DMD: variants seen among roughly 807,000 people sequenced by gnomAD.
DMD encodes the protein dystrophin.
In DMD, 63 loss-of-function variants were observed where a neutral mutation model predicts 330.1. The observed-to-expected ratio is 0.19, with a 90% CI of 0.16 to 0.24. The LOEUF (loss-of-function observed/expected upper bound fraction) is 0.24, where lower values mean the gene tolerates loss of function less well. DMD is among the 10% of genes least tolerant of loss of function. The probability of loss-of-function intolerance (pLI) is 1.00; values close to 1 mark genes in which losing one functional copy is unlikely to be tolerated. For missense variants in DMD, 3,344 were observed against 2,684.1 expected, an observed-to-expected ratio of 1.25 and a Z score of -5.43; for synonymous variants, 1,223 against 959.8, an observed-to-expected ratio of 1.27 and a Z score of -5.07.
intron 55 of DMD, among the ~76,000 whole-genome samples, chrX:31,519,091 G>T (rs1363162782): frequency 8.9e-6 from 1 of 111,935 alleles, no homozygotes; most frequent in Non-Finnish European, 1.9e-5. Context: ...AGTCAACTCA[G>T]AACTAATATC....
chrX:31,746,104 T>C (rs971636070), intron 51 of DMD, among the ~76,000 whole-genome samples: 1 of 112,406 alleles, frequency 8.9e-6, no homozygotes, highest in Non-Finnish European at 1.9e-5. Context: ...TAAAAATGCA[T>C]TCAACCTTTT....
chrX:31,554,613 T>A (rs1000545067), intron 55 of DMD, among the ~76,000 whole-genome samples: 16 of 112,034 alleles, frequency 1.4e-4, no homozygotes, highest in Non-Finnish European at 2.6e-4. Context: ...TATTATTTTT[T>A]ATTTTTTCCC....
intron 44 of DMD, among the ~76,000 whole-genome samples, chrX:32,186,963 A>T (rs997441397): frequency 9.0e-6 from 1 of 110,922 alleles, no homozygotes; most frequent in African/African-American, 3.3e-5. Flanking sequence ...TACATTAATG[A>T]CTATCTAAAA....
intron 7 of DMD, among the ~76,000 whole-genome samples, chrX:32,750,330 GA>G (rs1187088406): frequency 9.0e-6 from 1 of 111,612 alleles, no homozygotes; most frequent in Non-Finnish European, 1.9e-5. Context: ...ACAAAAGGGA[GA>G]AAAACTTCCC....
At chrX:32,343,741 A>G (rs2146999356) in intron 39 of DMD, among the ~76,000 whole-genome samples, 1 of 111,972 alleles carries the variant, frequency 8.9e-6, no homozygotes, top group African/African-American at 3.2e-5. Context: ...TACTCAACCA[A>G]TATACATTCA....
intron 47 of DMD, among the ~76,000 whole-genome samples, chrX:31,897,967 G>C (rs1472932635): frequency 2.4e-4 from 26 of 110,459 alleles, no homozygotes; most frequent in African/African-American, 7.6e-4. Flanking sequence ...GTTGCCATTG[G>C]TTTTGGTGTT....
rs2054016405 is a variant in DMD, at chrX:33,321,602, A to G, written c.7+17657T>C. ...GGGCCCTAGGATTTTCAGAATGGTA[A>G]ATGAGCATTGCTTCAACTTAAAGTC... On this transcript the variant is annotated intron_variant, in intron 1 of 17. Transcript: ENST00000288447. Among the ~76,000 whole-genome samples the G allele has an allele frequency of 2.7e-5, 3 of 111,382 alleles. No homozygotes were observed. In the Admixed American group the frequency reaches 2.9e-4, roughly 11 times the overall value.
intron 77 of DMD, among the ~76,000 whole-genome samples, chrX:31,132,864 G>T (rs926141875): frequency 7.3e-5 from 8 of 109,797 alleles, no homozygotes; most frequent in Non-Finnish European, 1.5e-4. Flanking sequence ...GATGCGGGTG[G>T]CGGTGGGGGA....
intron 59 of DMD, among the ~76,000 whole-genome samples, chrX:31,476,397 G>GTATATATATATA (rs373498710): frequency 4.5e-5 from 4 of 88,330 alleles, no homozygotes; most frequent in African/African-American, 1.7e-4. Flanking sequence ...GTGTGTGTGT[G>GTATATATATATA]TATATATATA....
chrX:32,293,038 G>C (rs1317955947), intron 42 of DMD, among the ~76,000 whole-genome samples: 1 of 112,471 alleles, frequency 8.9e-6, no homozygotes, highest in Non-Finnish European at 1.9e-5. Flanking sequence ...TCCAGTCTAT[G>C]TACACCTTGT....
intron 7 of DMD, among the ~76,000 whole-genome samples, chrX:32,760,629 G>C (rs924219473): frequency 6.3e-5 from 7 of 111,859 alleles, no homozygotes; most frequent in Admixed American, 1.9e-4. Context: ...AATAACTTAT[G>C]AATTATGGTT....
intron 19 of DMD, among the ~76,000 whole-genome samples, chrX:32,491,768 A>G (rs1250577220): frequency 1.8e-5 from 2 of 112,047 alleles, no homozygotes; most frequent in East Asian, 2.8e-4. Flanking sequence ...AAATTAGAAT[A>G]TATGTAAATA....
intron 60 of DMD, among the ~76,000 whole-genome samples, chrX:31,368,743 T>C (rs780253897): frequency 4.1e-4 from 45 of 110,221 alleles, no homozygotes; most frequent in Admixed American, 3.4e-3. Context: ...CCTCCCGGGT[T>C]CAAGAGATTC....
In DMD at chrX:32,721,703, T is replaced by TA. The variant is rs751591941; in HGVS notation, c.650-22411dup. 3.2e-4 allele frequency among the ~76,000 whole-genome samples: 36 copies of TA among 111,366 alleles called. No homozygotes were observed. In the East Asian group the frequency reaches 4.5e-3, roughly 14 times the overall value. The stretch of plus-strand genomic sequence containing the variant: ...GCTTTTTAGATTAATGTAGTTCCAC[T>TA]AGTTTATTTTTGTTTTCTTGCCTGA... On this transcript the variant is annotated intron_variant, in intron 7 of 78. Transcript: ENST00000357033.
At chrX:32,290,307 A>G (rs1220471034) in intron 42 of DMD, among the ~76,000 whole-genome samples, 1 of 112,109 alleles carries the variant, frequency 8.9e-6, no homozygotes, top group Non-Finnish European at 1.9e-5. Flanking sequence ...TCTTTATAGT[A>G]CTTATTACTA....
chrX:31,123,696 A>G (rs1601948682), intron 78 of DMD, among the ~76,000 whole-genome samples: 1 of 112,346 alleles, frequency 8.9e-6, no homozygotes, highest in African/African-American at 3.2e-5. Context: ...TAACAAAATC[A>G]GTAAAAACAA....
At chrX:32,449,048 C>T (rs1000975304) in intron 26 of DMD, among the ~76,000 whole-genome samples, 1 of 110,889 alleles carries the variant, frequency 9.0e-6, no homozygotes, top group East Asian at 2.8e-4. Context: ...TTGAAACCAT[C>T]ACAAATATCA....
At chrX:32,130,774 A>C (rs912565215) in intron 44 of DMD, among the ~76,000 whole-genome samples, 1 of 112,005 alleles carries the variant, frequency 8.9e-6, no homozygotes, top group Non-Finnish European at 1.9e-5. Context: ...CATTTCCTCA[A>C]ACAAAAGTCC....
At chrX:32,617,344 G>A (rs1355301238) in intron 11 of DMD, among the ~76,000 whole-genome samples, 1 of 111,521 alleles carries the variant, frequency 9.0e-6, no homozygotes, top group East Asian at 2.8e-4. Context: ...TAGTAACCAA[G>A]ACAGCATTGT....
Sources: allele counts gnomAD v4.1 joint callset (sites outside exome capture counted in the v4.1 genomes callset), GRCh38; gene constraint gnomAD v4.1.1; transcripts MANE v1.5; gene names NCBI Gene and HGNC (gene_info 2026-07-23, HGNC 2026-07-21).